ANKRD13A: variants seen among roughly 807,000 people sequenced by gnomAD.
The protein encoded by ANKRD13A is ankyrin repeat domain 13A.
ANKRD13A carries 48 observed loss-of-function variants against 81.3 expected under a neutral mutation model. The ratio of observed to expected loss-of-function variants is 0.59; its 90% confidence interval spans 0.47 to 0.75. The LOEUF (loss-of-function observed/expected upper bound fraction) is 0.75. Among genes scored for constraint, ANKRD13A ranks in the 30% least tolerant of loss-of-function variants. The probability of loss-of-function intolerance (pLI) is 0.00; values close to 1 mark genes in which losing one functional copy is unlikely to be tolerated. For synonymous variants in ANKRD13A, 230 were observed against 270.1 expected (o/e 0.85, Z 1.45); for missense variants, 612 against 734.0 (o/e 0.83, Z 1.92).
chr12:110,034,056 CAA>C, intron 13 of ANKRD13A, 99 bp downstream of exon 13: 4 of 1,215,244 alleles, frequency 3.3e-6, no homozygotes, highest in Non-Finnish European at 4.4e-6. Context: ...TTCTAAATAT[CAA>C]GTTTGACACA....
At chr12:110,007,801 T>C (rs1890317104) in intron 1 of ANKRD13A, among the ~76,000 whole-genome samples, 1 of 152,244 alleles carries the variant, frequency 6.6e-6, no homozygotes, top group Non-Finnish European at 1.5e-5. Context: ...GATGGAATTG[T>C]TGTCTTAATT....
At chr12:110,015,194 C>T (rs901407689) in intron 3 of ANKRD13A, among the ~76,000 whole-genome samples, 5 of 152,102 alleles carry the variant, frequency 3.3e-5, no homozygotes, top group Non-Finnish European at 7.4e-5. Context: ...CTTCAGAAAG[C>T]CAAATTCTAC....
In ANKRD13A at chr12:110,029,632, A is replaced by G; in HGVS notation, c.1231A>G (p.Ile411Val). Residue 411 changes from isoleucine to valine, a missense_variant, in exon 11 of 15, where the codon ATA (isoleucine) becomes GTA (valine). Physicochemically the swap from Ile to Val is conservative, Grantham distance 29 (BLOSUM62 3). Coordinates refer to ENST00000261739, the MANE Select transcript of ANKRD13A (RefSeq NM_033121.2). ...ATTCCCACCTGGATTTCCTGTCAAA[A>G]TAGGTACTGCTAAATAAACTTCAGC... ...LEFPPGFPVK[I>V]EIPLFHVLNA... 2 of 1,612,832 alleles carry G rather than the reference A, an allele frequency of 1.2e-6. No homozygotes were observed. The highest frequency in any genetic ancestry group is 2.2e-5 in the South Asian group (2 of 91,064).
chr12:110,019,594 T>C (rs1208459204), intron 6 of ANKRD13A, among the ~76,000 whole-genome samples: 1 of 152,240 alleles, frequency 6.6e-6, no homozygotes, highest in East Asian at 1.9e-4. Context: ...ATGTCTTTTA[T>C]GTGCCCTTTC....
chr12:109,999,617 G>T lies in ANKRD13A; in HGVS notation c.-72G>T. On this transcript the variant is annotated 5_prime_UTR_variant, in exon 1 of 15. Coordinates refer to ENST00000261739, the MANE Select transcript of ANKRD13A (RefSeq NM_033121.2). The surrounding 1 kb of genome is among the most constrained non-coding windows in gnomAD (Gnocchi z 4.3). ...TGCTCGCCGGCCTCAGGGCAGGCAG[G>T]CGGGCGCGGGAGACCCCGCCGGGGC... 1 of 1,301,482 alleles carries T rather than the reference G, an allele frequency of 7.7e-7. No homozygotes were observed. Among genetic ancestry groups the T allele is most frequent in the Non-Finnish European group, 1.0e-6 (1 of 964,168 alleles). The allele number at this position is 1,301,482 out of a possible 1,614,324, so 80.6% of individuals were successfully genotyped here.
chr12:110,029,625 T>C lies in ANKRD13A; in HGVS notation c.1224T>C (p.Pro408=), dbSNP rs576977206. 6.2e-7 allele frequency: 1 copy of C among 1,613,258 alleles called. No homozygotes were observed. The highest frequency in any genetic ancestry group is 1.1e-5 in the South Asian group (1 of 91,078). Residue 408 remains proline (P), a synonymous_variant, in exon 11 of 15, where the codon CCT becomes CCC. Transcript: ENST00000261739. ...AATTGGAATTCCCACCTGGATTTCCTGTCAAAATAGGTACTGCTAAATAAA... is the reference window on the plus strand; with the variant it reads ...AATTGGAATTCCCACCTGGATTTCCCGTCAAAATAGGTACTGCTAAATAAA... ...FIKLEFPPGF[P]VKIEIPLFHV... is the part of the protein sequence containing the mutation.
chr12:110,034,192 C>CT (rs1300997358), intron 13 of ANKRD13A, among the ~76,000 whole-genome samples: 5 of 152,182 alleles, frequency 3.3e-5, no homozygotes, highest in African/African-American at 1.2e-4. Flanking sequence ...GCAGACTTTC[C>CT]TTTTCCTCAT....
chr12:110,017,836 G>C (rs2137122210), intron 4 of ANKRD13A, among the ~76,000 whole-genome samples: 1 of 152,220 alleles, frequency 6.6e-6, no homozygotes, highest in Admixed American at 6.5e-5. Flanking sequence ...GGAAGCTAAG[G>C]CAGGAGAATC....
chr12:110,025,428 C>T (rs1211033029), intron 7 of ANKRD13A, among the ~76,000 whole-genome samples: 1 of 151,848 alleles, frequency 6.6e-6, no homozygotes, highest in Non-Finnish European at 1.5e-5. Context: ...TAATAGAAAC[C>T]CAGGTGGAAA....
intron 6 of ANKRD13A, among the ~76,000 whole-genome samples, chr12:110,019,982 C>G (rs1014190513): frequency 6.6e-6 from 1 of 152,204 alleles, no homozygotes; most frequent in East Asian, 1.9e-4. Context: ...TAGAGGCTGT[C>G]AAAGCTGTTC....
At chr12:110,017,107 A>AT (rs1890839984) in intron 4 of ANKRD13A, among the ~76,000 whole-genome samples, 1 of 152,048 alleles carries the variant, frequency 6.6e-6, no homozygotes, top group South Asian at 2.1e-4. Context: ...ATGGGGTTTC[A>AT]TTATGTTGGC....
Position 110,013,156 on chromosome 12 carries a change from T to G in ANKRD13A, c.261T>G (p.Pro87=). The part of the protein sequence containing the change: ...VLHEAVSTGD[P]EMVYTVLQHR... The stretch of plus-strand genomic sequence containing the variant: ...ATGAGGCTGTGAGCACTGGCGATCC[T>G]GAGATGGTGTACACAGTTCTCCAAC... The change falls in exon 3 of 15, where the codon CCT becomes CCG. Residue 87 remains proline (P), a synonymous_variant. Transcript: ENST00000261739. 1 of 1,614,196 alleles carries G rather than the reference T, an allele frequency of 6.2e-7. No homozygotes were observed. Among genetic ancestry groups the G allele is most frequent in the African/African-American group, 1.3e-5 (1 of 75,068 alleles).
chr12:110,000,628 G>A (rs1424902604), intron 1 of ANKRD13A, among the ~76,000 whole-genome samples: 1 of 152,146 alleles, frequency 6.6e-6, no homozygotes, highest in Admixed American at 6.5e-5. Flanking sequence ...TTCTGGTAGT[G>A]GGTAGAGGCC....
chr12:110,016,783 A>G (rs555240024), intron 4 of ANKRD13A, among the ~76,000 whole-genome samples: 15 of 151,110 alleles, frequency 9.9e-5, no homozygotes, highest in Non-Finnish European at 1.8e-4. Flanking sequence ...TTTTATTTTT[A>G]TTTTTTTGAG....
rs1890623357 is a variant in ANKRD13A at position 110,013,253 on chromosome 12, T to G, written c.354+4T>G. 2 of 1,613,754 alleles carry G rather than the reference T, an allele frequency of 1.2e-6. No individual in the cohort carries two copies. The highest frequency in any genetic ancestry group is 2.7e-5 in the African/African-American group (2 of 74,900). ...GCTGCTCCAAAAAATTCTCGAGGTA[T>G]CCATGAAAATGTGGCCAGGCCATAA... On this transcript the variant is annotated splice_donor_region_variant and intron_variant, in intron 3 of 14. Transcript: ENST00000261739.
Position 110,018,012 on chromosome 12 carries a change from T to C in ANKRD13A, c.401-333T>C, listed in dbSNP as rs1202158185. ...GACAATATGGTAGGCCACAGCCATA[T>C]GGCAAGAGTTGCATATGTGAGTGAG... On this transcript the variant is annotated intron_variant, in intron 4 of 14. Transcript: ENST00000261739. The surrounding 1 kb of genome is among the most constrained non-coding windows in gnomAD (Gnocchi z 4.4). Among the ~76,000 whole-genome samples, 1 of 152,134 alleles carries C rather than the reference T, an allele frequency of 6.6e-6. No homozygotes were observed. The highest frequency in any genetic ancestry group is 2.4e-5 in the African/African-American group (1 of 41,424).
chr12:110,027,857 CCA>C, intron 9 of ANKRD13A, 91 bp downstream of exon 9: 1 of 1,319,086 alleles, frequency 7.6e-7, no homozygotes, highest in Non-Finnish European at 1.1e-6. Context: ...CCTGAACAGC[CCA>C]CTCTATGTAA....
At chr12:110,020,544 G>A (rs140559689) in intron 6 of ANKRD13A, among the ~76,000 whole-genome samples, 48 of 152,368 alleles carry the variant, frequency 3.2e-4, no homozygotes, top group East Asian at 3.1e-3. Flanking sequence ...TCTTCTGCCA[G>A]CCTCCTTGCA....
At position 110,003,887 on chromosome 12, in the gene ANKRD13A, G is replaced by A. The variant is rs146984356; in HGVS notation, c.96+4103G>A. On this transcript the variant is annotated intron_variant, in intron 1 of 14. Coordinates refer to ENST00000261739, the MANE Select transcript of ANKRD13A (RefSeq NM_033121.2). ...AAAAAAATTTTTTTTGGCTGGGCAC[G>A]GTGGCTCACGCCTGTACTCCCAGCT... is the stretch of plus-strand genomic sequence containing the variant. Among the ~76,000 whole-genome samples the A allele has an allele frequency of 1.9e-3, 283 of 152,264 alleles. 1 individual carries two copies. The highest frequency in any genetic ancestry group is 6.5e-3 in the African/African-American group (272 of 41,566).
Sources: allele counts gnomAD v4.1 joint callset (sites outside exome capture counted in the v4.1 genomes callset), GRCh38; gene constraint gnomAD v4.1.1; non-coding constraint Gnocchi (gnomAD v3.1); transcripts MANE v1.5; gene names NCBI Gene and HGNC (gene_info 2026-07-23, HGNC 2026-07-21).